The following MID2 variants were observed in gnomAD, a reference collection of about 807,000 sequenced individuals.
The protein encoded by MID2 is midline 2, also known as probable E3 ubiquitin-protein ligase MID2.
Under a neutral mutation model 46.1 loss-of-function variants are expected in MID2, and 13 were observed. That is an observed-to-expected ratio of 0.28 (90% confidence interval 0.18 to 0.45). The LOEUF (loss-of-function observed/expected upper bound fraction) is 0.45. Ranked by LOEUF, MID2 falls within the 20% of genes least tolerant of loss-of-function variation. The pLI is 1.00. For missense variants in MID2, 431 were observed against 575.4 expected (o/e 0.75, Z 2.57); for synonymous variants, 199 against 212.3 (o/e 0.94, Z 0.55).
intron 1 of MID2, among the ~76,000 whole-genome samples, chrX:107,836,278 C>T (rs1037452953): frequency 9.2e-6 from 1 of 108,924 alleles, no homozygotes; most frequent in African/African-American, 3.4e-5. Flanking sequence ...TTTTTTGAGA[C>T]GGAGCCTCGC....
intron 5 of MID2, among the ~76,000 whole-genome samples, chrX:107,913,754 A>C (rs1435898874): frequency 8.9e-6 from 1 of 111,763 alleles, no homozygotes; most frequent in East Asian, 2.8e-4. Context: ...AAGACACTTT[A>C]AAATCTGGTC....
At chrX:107,902,831 C>T (rs1427058620) in intron 3 of MID2, among the ~76,000 whole-genome samples, 1 of 111,323 alleles carries the variant, frequency 9.0e-6, no homozygotes, top group African/African-American at 3.3e-5. Context: ...TGTTCCTCAG[C>T]CTTCTAGAGC....
intron 3 of MID2, among the ~76,000 whole-genome samples, chrX:107,900,743 T>A (rs192231274): frequency 8.9e-6 from 1 of 112,440 alleles, no homozygotes; most frequent in Non-Finnish European, 1.9e-5. Flanking sequence ...TTCCATTTCA[T>A]CCATGCATCT....
chrX:107,916,248 G>A, intron 6 of MID2, 119 bp downstream of exon 6: 5 of 540,095 alleles, frequency 9.3e-6, no homozygotes, highest in Non-Finnish European at 1.3e-5. Context: ...TCTTTAAAAT[G>A]ATGCATGTGT....
intron 3 of MID2, chrX:107,895,941 T>C (rs969944121): frequency 8.9e-6 from 1 of 112,266 alleles, no homozygotes; most frequent in East Asian, 2.8e-4. Context: ...TCTAATTACA[T>C]GGTTCTGACG....
Position 107,854,835 on chromosome X carries a change from C to T in MID2, c.816+131C>T, listed in dbSNP as rs2273377. 1.5e-4 allele frequency: 72 copies of T among 470,986 alleles called. No homozygotes were observed. The East Asian group carries it at 2.7e-3, about 18-fold the overall frequency. The allele number at this position is 470,986 out of a possible 1,213,427, so 38.8% of individuals were successfully genotyped here. ...ATTGAATGGCAGTTTTAGAAAGTCT[C>T]ATTCCTTTAGGATGCTTGTTCCAAA... On this transcript the variant is annotated intron_variant, in intron 3 of 9. Transcript: ENST00000262843.
Position 107,927,119 on chromosome X carries a change from C to T in MID2, c.*46C>T. 1 of 1,083,519 alleles carries T rather than the reference C, an allele frequency of 9.2e-7. No homozygotes were observed. The highest frequency in any genetic ancestry group is 1.2e-6 in the Non-Finnish European group (1 of 805,610). The allele number at this position is 1,083,519 out of a possible 1,213,427, so 89.3% of individuals were successfully genotyped here. ...TCACTGGCTCTCTAGTTCAGCAGTT[C>T]TTCCCCTCCTACACCTAAGTTAGCG... On this transcript the variant is annotated 3_prime_UTR_variant, in exon 10 of 10. Transcript: ENST00000262843.
chrX:107,848,060 T>G (rs185464994), intron 2 of MID2, among the ~76,000 whole-genome samples: 2 of 111,492 alleles, frequency 1.8e-5, no homozygotes, highest in East Asian at 5.6e-4. Flanking sequence ...AAATTTAGGC[T>G]TTACCAGTGG....
At position 107,825,990 on chromosome X, in the gene MID2, T is replaced by C; in HGVS notation, c.-437T>C. ...CCGAGCACCCCTTCTTCTTGGGCCCTTCCCAGTGCTCCCTTGGGGTGTCAG... is the reference window on the plus strand; with the variant it reads ...CCGAGCACCCCTTCTTCTTGGGCCCCTCCCAGTGCTCCCTTGGGGTGTCAG... On this transcript the variant is annotated 5_prime_UTR_variant, in exon 1 of 10. Coordinates refer to ENST00000262843, the MANE Select transcript of MID2 (RefSeq NM_012216.4). 1.5e-5 allele frequency: 4 copies of C among 268,780 alleles called. No homozygotes were observed. The allele number at this position is 268,780 out of a possible 1,213,427, so 22.2% of individuals were successfully genotyped here.
chrX:107,861,376 T>C (rs1283524509), intron 3 of MID2, among the ~76,000 whole-genome samples: 1 of 111,255 alleles, frequency 9.0e-6, no homozygotes, highest in Non-Finnish European at 1.9e-5. Context: ...TCCCAGCACT[T>C]TGGGAGGCTG....
At chrX:107,844,448 C>T (rs181448334) in intron 2 of MID2, among the ~76,000 whole-genome samples, 9 of 111,727 alleles carry the variant, frequency 8.1e-5, no homozygotes, top group African/African-American at 2.9e-4. Context: ...ACTTTTCACT[C>T]ACTAGTCCCA....
chrX:107,850,050 A>G (rs1294939071), intron 2 of MID2, among the ~76,000 whole-genome samples: 1 of 112,034 alleles, frequency 8.9e-6, no homozygotes, highest in Non-Finnish European at 1.9e-5. Flanking sequence ...GGGCTTGAAC[A>G]TAAGGAACCT....
intron 2 of MID2, among the ~76,000 whole-genome samples, chrX:107,845,515 ACACACACACACT>A (rs1931442928): frequency 1.2e-5 from 1 of 86,954 alleles, no homozygotes; most frequent in Non-Finnish European, 2.0e-5. Flanking sequence ...ACACACACAC[ACACACACACACT>A]CTCTCTCTCT....
rs1032618468 is a variant in MID2, at chrX:107,828,463, C to T, written c.4+2033C>T. Among the ~76,000 whole-genome samples, 5 of 109,859 alleles carry T rather than the reference C, an allele frequency of 4.6e-5. No homozygotes were observed. In the East Asian group the frequency reaches 1.4e-3, roughly 31 times the overall value. On this transcript the variant is annotated intron_variant, in intron 1 of 9. Transcript: ENST00000262843. ...AGTAGTTGGGAACACAGGTGCATGC[C>T]ACCACACCCAGCTAATTTTTGTATT...
At chrX:107,922,148 C>G (rs1933084035) in intron 7 of MID2, among the ~76,000 whole-genome samples, 1 of 111,714 alleles carries the variant, frequency 9.0e-6, no homozygotes, top group African/African-American at 3.3e-5. Context: ...CCAGTCCATC[C>G]CCACAGGTTC....
Position 107,928,325 on chromosome X carries a change from C to G in MID2, c.*1252C>G, listed in dbSNP as rs73533477. Among the ~76,000 whole-genome samples the G allele has an allele frequency of 0.014, 1,542 of 111,619 alleles. 22 individuals carry two copies. Among genetic ancestry groups the G allele is most frequent in the African/African-American group, 0.047 (1,447 of 30,730 alleles). On this transcript the variant is annotated 3_prime_UTR_variant, in exon 10 of 10. Coordinates refer to ENST00000262843, the MANE Select transcript of MID2 (RefSeq NM_012216.4). ...TACAGTATTCATTCTCTTAGCCAAT[C>G]CCTCCACGCAAATGGAGACAAACTT...
chrX:107,925,933 C>T (rs1933165092), intron 8 of MID2, among the ~76,000 whole-genome samples, 161 bp from the exon 9 acceptor site: 1 of 110,628 alleles, frequency 9.0e-6, no homozygotes, highest in African/African-American at 3.3e-5. Context: ...TGGTTTCTGG[C>T]CTGTTTTCTT....
chrX:107,866,704 C>G (rs1378764301), intron 3 of MID2, among the ~76,000 whole-genome samples: 1 of 112,217 alleles, frequency 8.9e-6, no homozygotes, highest in Non-Finnish European at 1.9e-5. Flanking sequence ...GAAAGCAGAG[C>G]TAACAGTATG....
intron 5 of MID2, among the ~76,000 whole-genome samples, 200 bp from the exon 6 acceptor site, chrX:107,915,802 A>G (rs1932960743): frequency 9.0e-6 from 1 of 111,511 alleles, no homozygotes; most frequent in Non-Finnish European, 1.9e-5. Flanking sequence ...ATATGTGAAT[A>G]AATATGGTAT....
Sources: gnomAD v4.1 joint callset for allele counts (sites outside exome capture counted in the v4.1 genomes callset) on GRCh38, gnomAD v4.1.1 for gene constraint, MANE v1.5 for transcripts, NCBI Gene and HGNC (gene_info 2026-07-23, HGNC 2026-07-21) for gene names.